Variants in EFCC1 observed in about 807,000 individuals in gnomAD.
EFCC1 encodes the protein EF-hand and coiled-coil domain containing 1, also known as EF-hand and coiled-coil domain-containing protein 1.
EFCC1 carries 50 observed loss-of-function variants against 52.1 expected under a neutral mutation model. The observed-to-expected ratio is 0.96, with a 90% CI of 0.76 to 1.21. The LOEUF is 1.21. Ranked by LOEUF, EFCC1 falls within the 50% of genes most tolerant of loss-of-function variation. The pLI, the probability that EFCC1 is intolerant of heterozygous loss-of-function variation, is 0.00. For synonymous variants in EFCC1, 399 were observed against 396.5 expected (o/e 1.01, Z -0.08); for missense variants, 837 against 867.3 (o/e 0.97, Z 0.44).
chr3:129,027,424 G>A (rs1030267552), intron 2 of EFCC1, among the ~76,000 whole-genome samples: 1 of 152,120 alleles, frequency 6.6e-6, no homozygotes, highest in Non-Finnish European at 1.5e-5. Flanking sequence ...AGCCCGGGCC[G>A]GGAGCCCGCG....
At position 129,001,874 on chromosome 3, in the gene EFCC1, C is replaced by G; in HGVS notation, c.246C>G (p.Leu82=). ...TGCCCCGCGCCGACTTCCGAGCGCT[C>G]TGCGCTGTGCTGGGGCTGCGCGCGG... ...GRLPRADFRA[L]CAVLGLRAEG... is the part of the protein sequence containing the mutation. The change falls in exon 1 of 8, where the codon CTC becomes CTG. Residue 82 remains leucine (L), a synonymous_variant. Transcript: ENST00000683648. 1 of 1,545,502 alleles carries G rather than the reference C, an allele frequency of 6.5e-7. No homozygotes were observed. The highest frequency in any genetic ancestry group is 8.7e-7 in the Non-Finnish European group (1 of 1,145,072).
At chr3:129,022,625 C>A (rs1365284078) in intron 2 of EFCC1, among the ~76,000 whole-genome samples, 1 of 152,156 alleles carries the variant, frequency 6.6e-6, no homozygotes, top group African/African-American at 2.4e-5. Flanking sequence ...CACCCAACCG[C>A]ACACAAGGAC....
rs11923967 is a variant in EFCC1, at chr3:129,010,684, A to G, written c.980+6607A>G. ...AGCGGGTCCAGGGTGGGAGGGAGGCAGATGAGTGGGGGCGAGCAGAGGGGG... is the reference window on the plus strand; with the variant it reads ...AGCGGGTCCAGGGTGGGAGGGAGGCGGATGAGTGGGGGCGAGCAGAGGGGG... On this transcript the variant is annotated intron_variant, in intron 2 of 7. Coordinates refer to ENST00000683648, the MANE Select transcript of EFCC1 (RefSeq NM_001377500.1). This position sits in a 1 kb window ranked among gnomAD's most constrained non-coding sequence, Gnocchi z 4.3. Among the ~76,000 whole-genome samples, 24,925 of 152,036 alleles carry G rather than the reference A, an allele frequency of 0.16. 6,054 individuals carry two copies. Among genetic ancestry groups the G allele is most frequent in the African/African-American group, 0.53 (22,127 of 41,370 alleles).
intron 2 of EFCC1, among the ~76,000 whole-genome samples, chr3:129,018,865 C>A (rs762622163): frequency 8.5e-5 from 13 of 152,228 alleles, no homozygotes; most frequent in Non-Finnish European, 1.6e-4. Context: ...TCTGACTCCC[C>A]ACTCGGCGCT....
At chr3:129,039,013 T>G (rs1044496361) in intron 7 of EFCC1, 113 bp downstream of exon 7, 17 of 961,120 alleles carry the variant, frequency 1.8e-5, no homozygotes, top group Non-Finnish European at 2.8e-5. Flanking sequence ...AATCATGTTA[T>G]TCCTGCCCTG....
At chr3:129,038,172 A>C (rs1163449672) in intron 6 of EFCC1, among the ~76,000 whole-genome samples, 1 of 152,240 alleles carries the variant, frequency 6.6e-6, no homozygotes, top group African/African-American at 2.4e-5. Context: ...GGAAAGAGAA[A>C]GGCTATAAGG....
In EFCC1 at chr3:129,001,713, T is replaced by G. The variant is rs771224733; in HGVS notation, c.85T>G (p.Trp29Gly). The stretch of plus-strand genomic sequence containing the variant: ...CCGGCGACCTGCGCGGCGCACGCAG[T>G]GGCTGCTGAGCGCCCTGGCGCACCA... Reference protein sequence around the residue: ...PYRRPARRTQWLLSALAHHYG... With the variant: ...PYRRPARRTQGLLSALAHHYG... Residue 29 changes from tryptophan (W) to glycine (G), a missense_variant, in exon 1 of 8, where the codon TGG becomes GGG. Trp to Gly is a radical substitution (Grantham distance 184, BLOSUM62 -2). Transcript: ENST00000683648. 5.0e-5 allele frequency: 75 copies of G among 1,512,380 alleles called. No individual in the cohort carries two copies. Among genetic ancestry groups the G allele is most frequent in the Non-Finnish European group, 1.2e-5 (14 of 1,132,970 alleles). 93.7% of individuals were successfully genotyped at this position (1,512,380 alleles called of 1,614,324 possible).
In EFCC1 at chr3:129,037,014, T is replaced by A. The variant is rs765102757; in HGVS notation, c.1490T>A (p.Leu497Gln). The A allele has an allele frequency of 6.2e-6, 10 of 1,613,898 alleles. No individual in the cohort carries two copies. The highest frequency in any genetic ancestry group is 8.5e-6 in the Non-Finnish European group (10 of 1,179,984). ...LQQKVEENEH[L>Q]RLELQMVETE... ...CAGAAGGTGGAAGAGAATGAGCACCTGAGGCTGGAGCTGCAGATGGTAGAG... is the reference window on the plus strand; with the variant it reads ...CAGAAGGTGGAAGAGAATGAGCACCAGAGGCTGGAGCTGCAGATGGTAGAG... The change falls in exon 6 of 8, where the codon CTG (leucine) becomes CAG (glutamine). Residue 497 changes from leucine (L) to glutamine (Q), a missense_variant. Transcript: ENST00000683648.
intron 2 of EFCC1, among the ~76,000 whole-genome samples, chr3:129,006,380 G>A (rs1054932174): frequency 6.6e-6 from 1 of 152,222 alleles, no homozygotes; most frequent in African/African-American, 2.4e-5. Context: ...GCAATGGTGC[G>A]ATCTTGGCTC....
intron 2 of EFCC1, among the ~76,000 whole-genome samples, chr3:129,026,743 A>G (rs982382684): frequency 6.6e-6 from 1 of 152,134 alleles, no homozygotes; most frequent in Non-Finnish European, 1.5e-5. Flanking sequence ...GTAGGGAGAT[A>G]CTGGCACCTC....
chr3:129,029,508 C>T (rs1946223804), intron 2 of EFCC1, among the ~76,000 whole-genome samples: 1 of 152,076 alleles, frequency 6.6e-6, no homozygotes, highest in African/African-American at 2.4e-5. Flanking sequence ...GGCCAAGGCG[C>T]TGGAGGATCT....
At chr3:129,034,140 T>C in intron 4 of EFCC1, 24 bp from the exon 5 acceptor site, 2 of 1,613,936 alleles carry the variant, frequency 1.2e-6, no homozygotes. Flanking sequence ...CCCCCTGCAA[T>C]GCGGGCCCTC....
chr3:129,018,247 A>AG, intron 2 of EFCC1, among the ~76,000 whole-genome samples: 1 of 152,352 alleles, frequency 6.6e-6, no homozygotes, highest in East Asian at 1.9e-4. Flanking sequence ...TTGTCTCCAT[A>AG]GGGAGCAGAA....
chr3:129,004,165 G>A (rs1450713251), intron 2 of EFCC1, 88 bp downstream of exon 2: 14 of 1,333,636 alleles, frequency 1.0e-5, no homozygotes, highest in Non-Finnish European at 1.9e-6. Flanking sequence ...CCTCCCACGC[G>A]CTCTCGTGTT....
chr3:129,008,332 A>T (rs542833414), intron 2 of EFCC1, among the ~76,000 whole-genome samples: 1 of 152,288 alleles, frequency 6.6e-6, no homozygotes, highest in Admixed American at 6.5e-5. Context: ...TAATCCCTCC[A>T]TGGGCGTTTC....
Position 129,003,803 on chromosome 3 carries a change from TG to T in EFCC1, c.708del (p.Trp236Ter). The T allele has an allele frequency of 6.9e-7, 1 of 1,457,800 alleles. No individual in the cohort carries two copies. Among genetic ancestry groups the T allele is most frequent in the Admixed American group, 2.5e-5 (1 of 39,834 alleles). The allele number at this position is 1,457,800 out of a possible 1,614,324, so 90.3% of individuals were successfully genotyped here. A position where few individuals can be genotyped will look rare whatever the true frequency, so the allele number is the denominator to read the frequency against. On this transcript the variant is annotated frameshift_variant, in exon 2 of 8. Transcript: ENST00000683648. LOFTEE classifies it high-confidence loss of function. The part of the protein sequence containing the change: ...ARCLALQVGL[W>X]KSQASTHEMG... ...TGCCCTGTCCCCGCAGGTCGGACTCTGGAAGAGCCAGGCGAGCACCCACGAG... is the reference window on the plus strand; with the variant it reads ...TGCCCTGTCCCCGCAGGTCGGACTCTGAAGAGCCAGGCGAGCACCCACGAG...
Position 129,002,066 on chromosome 3 carries a change from C to G in EFCC1, c.438C>G (p.His146Gln), listed in dbSNP as rs923391278. 2.6e-6 allele frequency: 4 copies of G among 1,537,636 alleles called. No homozygotes were observed. The African/African-American group carries it at 5.6e-5, about 22-fold the overall frequency. The stretch of plus-strand genomic sequence containing the variant: ...CGGAGCTCACCTTCCGCCAGTTCCA[C>G]GCGCGCCTCTGTGGCTACTTCGGCA... ...EPPELTFRQF[H>Q]ARLCGYFGTR... Residue 146 changes from histidine to glutamine, a missense_variant, in exon 1 of 8, where the codon CAC becomes CAG. Transcript: ENST00000683648.
chr3:129,007,346 C>T (rs189241725), intron 2 of EFCC1, among the ~76,000 whole-genome samples: 6 of 152,284 alleles, frequency 3.9e-5, no homozygotes, highest in South Asian at 4.2e-4. Context: ...GAGGAATTAC[C>T]GGGAGGAAAG....
Position 129,010,433 on chromosome 3 carries a change from A to G in EFCC1, c.980+6356A>G, listed in dbSNP as rs1267964109. 6.6e-6 allele frequency among the ~76,000 whole-genome samples: 1 copy of G among 152,094 alleles called. No individual in the cohort carries two copies. The highest frequency in any genetic ancestry group is 6.5e-5 in the Admixed American group (1 of 15,278). On this transcript the variant is annotated intron_variant, in intron 2 of 7. Coordinates refer to ENST00000683648, the MANE Select transcript of EFCC1 (RefSeq NM_001377500.1). The surrounding 1 kb of genome is among the most constrained non-coding windows in gnomAD (Gnocchi z 4.3). ...CAGAGAGCCAGCTCAGCTCAGCCGGAACAGGGAGGAGAGGCCTGGCGGCCT... is the reference window on the plus strand; with the variant it reads ...CAGAGAGCCAGCTCAGCTCAGCCGGGACAGGGAGGAGAGGCCTGGCGGCCT...
Sources: allele counts gnomAD v4.1 joint callset (sites outside exome capture counted in the v4.1 genomes callset), GRCh38; gene constraint gnomAD v4.1.1; non-coding constraint Gnocchi (gnomAD v3.1); transcripts MANE v1.5; gene names NCBI Gene and HGNC (gene_info 2026-07-23, HGNC 2026-07-21).